Variants in CTNNA3 observed in about 807,000 individuals in gnomAD.
CTNNA3 encodes catenin alpha-3.
CTNNA3 carries 76 observed loss-of-function variants against 95.7 expected under a neutral mutation model. The observed-to-expected ratio is 0.79, with a 90% CI of 0.66 to 0.96. The LOEUF (loss-of-function observed/expected upper bound fraction) is 0.96. CTNNA3 is among the 40% of genes least tolerant of loss of function. The probability of loss-of-function intolerance (pLI) is 0.00; values close to 1 mark genes in which losing one functional copy is unlikely to be tolerated. For synonymous variants in CTNNA3, 431 were observed against 374.4 expected (o/e 1.15, Z -1.74); for missense variants, 1,191 against 1,089.8 (o/e 1.09, Z -1.31).
At chr10:66,343,484 A>G (rs1564883287) in intron 12 of CTNNA3, among the ~76,000 whole-genome samples, 3 of 152,046 alleles carry the variant, frequency 2.0e-5, no homozygotes, top group Non-Finnish European at 4.4e-5. Flanking sequence ...ACAAAAAGTT[A>G]AACACCACAC....
chr10:67,362,016 C>T (rs1843005620), intron 5 of CTNNA3, among the ~76,000 whole-genome samples: 1 of 152,050 alleles, frequency 6.6e-6, no homozygotes, highest in South Asian at 2.1e-4. Flanking sequence ...ACTAGAAAAT[C>T]TAGAGGAAAT....
chr10:66,110,206 C>CA (rs2082067782), intron 13 of CTNNA3, among the ~76,000 whole-genome samples: 1 of 151,460 alleles, frequency 6.6e-6, no homozygotes, highest in Admixed American at 6.6e-5. Context: ...ACTAAAAATA[C>CA]AAAAAATTAG....
chr10:66,939,097 A>G (rs1847869465), intron 7 of CTNNA3, among the ~76,000 whole-genome samples: 1 of 152,076 alleles, frequency 6.6e-6, no homozygotes, highest in South Asian at 2.1e-4. Context: ...TTGGCCTCTG[A>G]TTTTACGCGT....
At chr10:67,440,780 C>T (rs2132930760) in intron 5 of CTNNA3, among the ~76,000 whole-genome samples, 1 of 152,112 alleles carries the variant, frequency 6.6e-6, no homozygotes, top group Non-Finnish European at 1.5e-5. Flanking sequence ...ATTATTGGGC[C>T]TGGGGCCCAA....
intron 5 of CTNNA3, among the ~76,000 whole-genome samples, chr10:67,448,018 T>C (rs1226585480): frequency 6.6e-6 from 1 of 152,244 alleles, no homozygotes; most frequent in East Asian, 1.9e-4. Context: ...ATAAAAGAGC[T>C]GAGCTTTTGG....
At chr10:66,544,482 G>C (rs1001333385) in intron 10 of CTNNA3, among the ~76,000 whole-genome samples, 5 of 152,078 alleles carry the variant, frequency 3.3e-5, no homozygotes, top group Non-Finnish European at 7.4e-5. Context: ...CAAAAACCAA[G>C]CTAGATGAGT....
chr10:66,203,910 T>A (rs2087594950), intron 13 of CTNNA3, among the ~76,000 whole-genome samples: 2 of 152,168 alleles, frequency 1.3e-5, no homozygotes, highest in South Asian at 2.1e-4. Context: ...CACACCCCCA[T>A]GAAGAATATA....
chr10:66,666,212 T>A lies in CTNNA3; in HGVS notation c.1282-44428A>T, dbSNP rs147656658. Among the ~76,000 whole-genome samples the A allele has an allele frequency of 6.5e-3, 991 of 152,196 alleles. 5 individuals carry two copies. Among genetic ancestry groups the A allele is most frequent in the Non-Finnish European group, 0.012 (792 of 68,008 alleles). On this transcript the variant is annotated intron_variant, in intron 9 of 17. Coordinates refer to ENST00000433211, the MANE Select transcript of CTNNA3 (RefSeq NM_013266.4). Reference sequence around the variant, plus strand: ...AGACTGTCTACTTTGGAGTATGAGATCCTCTGAGCACATCTAACTCTGTCT... The same window carrying A: ...AGACTGTCTACTTTGGAGTATGAGAACCTCTGAGCACATCTAACTCTGTCT...
chr10:66,233,766 A>G lies in CTNNA3; in HGVS notation c.1884+46704T>C, dbSNP rs572833814. On this transcript the variant is annotated intron_variant, in intron 13 of 17. Coordinates refer to ENST00000433211, the MANE Select transcript of CTNNA3 (RefSeq NM_013266.4). Reference sequence around the variant, plus strand: ...GGAACTTGCCGTATCTTCTAAAGCTAAATATGTTATACTTGATGATGATCT... The same window carrying G: ...GGAACTTGCCGTATCTTCTAAAGCTGAATATGTTATACTTGATGATGATCT... 9.2e-5 allele frequency among the ~76,000 whole-genome samples: 14 copies of G among 152,304 alleles called. No individual in the cohort carries two copies. In the South Asian group the frequency reaches 2.7e-3, roughly 29 times the overall value.
At chr10:65,990,043 T>C (rs1211321984) in intron 15 of CTNNA3, among the ~76,000 whole-genome samples, 1 of 102,324 alleles carries the variant, frequency 9.8e-6, no homozygotes, top group Non-Finnish European at 1.9e-5. Flanking sequence ...GATTTAATTC[T>C]TTTTTAATGG....
At chr10:67,279,510 C>A (rs76961386) in intron 5 of CTNNA3, among the ~76,000 whole-genome samples, 10,773 of 151,908 alleles carry the variant, frequency 0.071, 643 homozygotes, top group African/African-American at 0.17. Flanking sequence ...GAAATACACA[C>A]ACTGCAAGAG....
chr10:67,661,384 T>C (rs1840185761), intron 1 of CTNNA3, among the ~76,000 whole-genome samples: 1 of 152,000 alleles, frequency 6.6e-6, no homozygotes, highest in Non-Finnish European at 1.5e-5. Context: ...ATGTTGGCCC[T>C]TTCTTCACAT....
chr10:67,714,641 T>A (rs1443261769), intron 1 of CTNNA3, among the ~76,000 whole-genome samples: 1 of 152,200 alleles, frequency 6.6e-6, no homozygotes, highest in Admixed American at 6.5e-5. Flanking sequence ...CCAGGGACTG[T>A]TGAGAAGGCA....
chr10:67,387,066 G>A lies in CTNNA3; in HGVS notation c.579+134776C>T, dbSNP rs189287306. ...AGTTGAGGGAGGACCCAAGACGGCC[G>A]AATAGGAACGGCTCTGGTCTACAGC... On this transcript the variant is annotated intron_variant, in intron 5 of 17. Transcript: ENST00000433211. Among the ~76,000 whole-genome samples the A allele has an allele frequency of 1.3e-4, 20 of 152,308 alleles. No individual in the cohort carries two copies. The East Asian group carries it at 2.7e-3, about 21-fold the overall frequency.
intron 5 of CTNNA3, among the ~76,000 whole-genome samples, chr10:67,240,520 T>C (rs912076076): frequency 6.6e-6 from 1 of 152,176 alleles, no homozygotes; most frequent in Non-Finnish European, 1.5e-5. Flanking sequence ...GATTTTACAA[T>C]AAAAGCATCA....
In CTNNA3 at chr10:67,001,278, C is replaced by T. The variant is rs549219389; in HGVS notation, c.1047+179039G>A. Among the ~76,000 whole-genome samples the T allele has an allele frequency of 3.7e-5, 5 of 135,118 alleles. No individual in the cohort carries two copies. In the East Asian group the frequency reaches 6.4e-4, roughly 17 times the overall value. The allele number at this position is 135,118 out of a possible 152,430, so 88.6% of individuals were successfully genotyped here. A position where few individuals can be genotyped will look rare whatever the true frequency, so the allele number is the denominator to read the frequency against. On this transcript the variant is annotated intron_variant, in intron 7 of 17. Coordinates refer to ENST00000433211, the MANE Select transcript of CTNNA3 (RefSeq NM_013266.4). The stretch of plus-strand genomic sequence containing the variant: ...ATGGAGCCACTGCACTCCAGCCTGA[C>T]GACAGAGTGAGACTCTGTCTAAAAA...
chr10:67,762,330 A>G (rs1018180953), intron 1 of CTNNA3, among the ~76,000 whole-genome samples: 4 of 151,942 alleles, frequency 2.6e-5, no homozygotes, highest in Admixed American at 2.0e-4. Flanking sequence ...AAAATACACA[A>G]TAACTTTATA....
intron 17 of CTNNA3, among the ~76,000 whole-genome samples, chr10:65,948,093 C>T (rs773427002): frequency 1.8e-4 from 27 of 152,144 alleles, no homozygotes; most frequent in Admixed American, 5.2e-4. Flanking sequence ...CTGGCTAACA[C>T]GGTGAAACCC....
chr10:66,150,116 C>T (rs950174387), intron 13 of CTNNA3, among the ~76,000 whole-genome samples: 1 of 152,230 alleles, frequency 6.6e-6, no homozygotes, highest in African/African-American at 2.4e-5. Flanking sequence ...TTGTAACTCA[C>T]ACAATTCCCA....
Sources: gnomAD v4.1 joint callset for allele counts (sites outside exome capture counted in the v4.1 genomes callset) on GRCh38, gnomAD v4.1.1 for gene constraint, MANE v1.5 for transcripts, NCBI Gene and HGNC (gene_info 2026-07-23, HGNC 2026-07-21) for gene names.